ZNF460: variants seen among roughly 807,000 people sequenced by gnomAD.
The protein encoded by ZNF460 is zinc finger protein 272.
ZNF460 carries 1 observed loss-of-function variant against 8.4 expected under a neutral mutation model. The observed-to-expected ratio is 0.12, with a 90% CI of 0.04 to 0.56. The LOEUF (loss-of-function observed/expected upper bound fraction) is 0.56, where lower values mean the gene tolerates loss of function less well. Ranked by LOEUF, ZNF460 falls within the 20% of genes least tolerant of loss-of-function variation. The pLI is 0.91. For missense variants in ZNF460, 477 were observed against 714.8 expected (o/e 0.67, Z 3.79); for synonymous variants, 262 against 259.9 (o/e 1.01, Z -0.08).
intron 1 of ZNF460, among the ~76,000 whole-genome samples, chr19:57,284,196 ATTTATTTATTTATTTATTTATTT>A (rs1297593250): frequency 9.2e-5 from 2 of 21,724 alleles, no homozygotes; most frequent in Admixed American, 4.9e-4. Context: ...AGGAGGCTTT[ATTTATTTATTTATTTATTTATTT>A]TTTATTTATT....
chr19:57,289,753 A>C (rs2087903307), intron 2 of ZNF460, among the ~76,000 whole-genome samples: 1 of 152,120 alleles, frequency 6.6e-6, no homozygotes, highest in Non-Finnish European at 1.5e-5. Context: ...CTGTAATCCC[A>C]GCACTTTGGA....
chr19:57,292,227 G>T lies in ZNF460; in HGVS notation c.1686G>T (p.Leu562Phe), dbSNP rs774230776. Residue 562 changes from leucine (L) to phenylalanine (F), a missense_variant, in exon 3 of 3, where the codon TTG (leucine) becomes TTT (phenylalanine). Physicochemically the swap from Leu to Phe is conservative, Grantham distance 22 (BLOSUM62 0). Coordinates refer to ENST00000360338, the MANE Select transcript of ZNF460 (RefSeq NM_006635.4). ...NGFIVEETLPL is the reference protein window; with the variant it reads ...NGFIVEETLPF ...TCATAGTGGAAGAAACCCTACCATT[G>T]TAACAGATGTGGAAAGACTTTTTAC... 1 of 1,607,378 alleles carries T rather than the reference G, an allele frequency of 6.2e-7. No homozygotes were observed. Among genetic ancestry groups the T allele is most frequent in the Non-Finnish European group, 8.5e-7 (1 of 1,175,106 alleles).
At position 57,292,433 on chromosome 19, in the gene ZNF460, A is replaced by T. The variant is rs1235590141; in HGVS notation, c.*203A>T. The T allele has an allele frequency of 1.7e-6, 1 of 581,556 alleles. No homozygotes were observed. The highest frequency in any genetic ancestry group is 3.0e-6 in the Non-Finnish European group (1 of 333,848). The allele number at this position is 581,556 out of a possible 1,614,324, so 36.0% of individuals were successfully genotyped here. ...TTAGATCATCATTTGTCATCTAAAC[A>T]ATTATGTTAGAAATTGACACAGCCA... On this transcript the variant is annotated 3_prime_UTR_variant, in exon 3 of 3. Coordinates refer to ENST00000360338, the MANE Select transcript of ZNF460 (RefSeq NM_006635.4).
intron 2 of ZNF460, among the ~76,000 whole-genome samples, chr19:57,286,060 C>G (rs1368048136): frequency 6.6e-6 from 1 of 152,096 alleles, no homozygotes; most frequent in Non-Finnish European, 1.5e-5. Context: ...CCTCAATTTT[C>G]TCATGGGTAA....
At chr19:57,285,734 A>G (rs2087874867) in intron 2 of ZNF460, among the ~76,000 whole-genome samples, 2 of 152,122 alleles carry the variant, frequency 1.3e-5, no homozygotes. Flanking sequence ...TCAGTGGTTC[A>G]TGAAATGTCG....
In ZNF460 at chr19:57,291,364, A is replaced by G; in HGVS notation, c.823A>G (p.Ser275Gly). The G allele has an allele frequency of 1.2e-6, 2 of 1,614,106 alleles. No homozygotes were observed. Among genetic ancestry groups the G allele is most frequent in the Non-Finnish European group, 1.7e-6 (2 of 1,180,000 alleles). ...CCTTACACGGCACCAGCGGGTTCAC[A>G]GTGGAGAGAAGCCTTTTGTGTGCAA... ...SHLTRHQRVH[S>G]GEKPFVCNEC... The change falls in exon 3 of 3, where the codon AGT becomes GGT. Residue 275 changes from serine (S) to glycine (G), a missense_variant. By Grantham distance (56) the Ser-to-Gly change is moderately conservative. This residue lies in a region of ZNF460 where 193 missense variants were observed against 391.7 expected (regional missense o/e 0.49). Transcript: ENST00000360338. This position sits in a 1 kb window ranked among gnomAD's most constrained non-coding sequence, Gnocchi z 8.4.
chr19:57,287,437 C>T (rs576834722), intron 2 of ZNF460, among the ~76,000 whole-genome samples: 48 of 152,212 alleles, frequency 3.2e-4, no homozygotes, highest in African/African-American at 1.1e-3. Context: ...AGAATATACT[C>T]GTGTGTACAT....
Position 57,291,604 on chromosome 19 carries a change from G to A in ZNF460, c.1063G>A (p.Glu355Lys). ...FNCRSHLKQHERIHTGEKPFV... is the reference protein window; with the variant it reads ...FNCRSHLKQHKRIHTGEKPFV... ...CTGCAGGTCACACCTCAAGCAGCAT[G>A]AGCGGATTCACACTGGTGAGAAGCC... Residue 355 changes from glutamate (E) to lysine (K), a missense_variant, in exon 3 of 3, where the codon GAG becomes AAG. Glu to Lys is a moderately conservative substitution (Grantham distance 56). This residue lies in a region of ZNF460 where 193 missense variants were observed against 391.7 expected (regional missense o/e 0.49). Coordinates refer to ENST00000360338, the MANE Select transcript of ZNF460 (RefSeq NM_006635.4). This position sits in a 1 kb window ranked among gnomAD's most constrained non-coding sequence, Gnocchi z 8.4. The A allele has an allele frequency of 6.2e-7, 1 of 1,611,914 alleles. No homozygotes were observed. Among genetic ancestry groups the A allele is most frequent in the South Asian group, 1.1e-5 (1 of 90,952 alleles).
intron 2 of ZNF460, among the ~76,000 whole-genome samples, chr19:57,289,664 A>G (rs779515383): frequency 5.3e-5 from 8 of 151,858 alleles, no homozygotes; most frequent in African/African-American, 7.3e-5. Flanking sequence ...ATTCCAGACC[A>G]TCTGTACTCT....
rs2122886106 is a variant in ZNF460, at chr19:57,284,668, G to T, written c.148G>T (p.Val50Phe). ...EVMLETCGLL[V>F]ALGDSTKPET... ...GATGCTGGAGACCTGTGGGCTTCTG[G>T]TCGCACTGGGTAAGGCCTGTCCTCT... is the stretch of plus-strand genomic sequence containing the variant. The change falls in exon 2 of 3, where the codon GTC (valine) becomes TTC (phenylalanine). Residue 50 changes from valine to phenylalanine, a missense_variant. Val to Phe is a conservative substitution (Grantham distance 50). This residue lies in a region of ZNF460 where 169 missense variants were observed against 178.6 expected (regional missense o/e 0.95). Transcript: ENST00000360338. 6.2e-7 allele frequency: 1 copy of T among 1,610,600 alleles called. No homozygotes were observed. The highest frequency in any genetic ancestry group is 8.5e-7 in the Non-Finnish European group (1 of 1,178,310).
At position 57,290,944 on chromosome 19, in the gene ZNF460, A is replaced by G. The variant is rs1456181658; in HGVS notation, c.403A>G (p.Ile135Val). 1.9e-6 allele frequency: 3 copies of G among 1,614,094 alleles called. No individual in the cohort carries two copies. Among genetic ancestry groups the G allele is most frequent in the East Asian group, 2.2e-5 (1 of 44,892 alleles). ...CGAAGGTTTGGCGACAGCTGATGGT[A>G]TTTGTTCAATGATGATACAGAACCA... ...EHEGLATADG[I>V]CSMMIQNQVS... Residue 135 changes from isoleucine (I) to valine (V), a missense_variant, in exon 3 of 3, where the codon ATT (isoleucine) becomes GTT (valine). Coordinates refer to ENST00000360338, the MANE Select transcript of ZNF460 (RefSeq NM_006635.4).
intron 1 of ZNF460, among the ~76,000 whole-genome samples, chr19:57,284,001 C>T (rs1232069992): frequency 6.6e-6 from 1 of 152,022 alleles, no homozygotes; most frequent in East Asian, 1.9e-4. Flanking sequence ...CAGCATGAGG[C>T]AGGCACACAG....
Position 57,291,065 on chromosome 19 carries a change from A to T in ZNF460, c.524A>T (p.Glu175Val). Residue 175 changes from glutamate to valine, a missense_variant, in exon 3 of 3, where the codon GAA becomes GTA. Physicochemically the swap from Glu to Val is moderately radical, Grantham distance 121 (BLOSUM62 -2). Transcript: ENST00000360338. The surrounding 1 kb of genome is among the most constrained non-coding windows in gnomAD (Gnocchi z 8.4). ...GGGGAAAATTCCTATAAATTCGAGG[A>T]AATGTTTAATGAGAATTGCTTCCTT... ...HEGENSYKFE[E>V]MFNENCFLVQ... 1 of 1,614,238 alleles carries T rather than the reference A, an allele frequency of 6.2e-7. No homozygotes were observed. The highest frequency in any genetic ancestry group is 8.5e-7 in the Non-Finnish European group (1 of 1,180,044).
In ZNF460 at chr19:57,291,833, G is replaced by A. The variant is rs776549884; in HGVS notation, c.1292G>A (p.Arg431His). 3 of 1,614,028 alleles carry A rather than the reference G, an allele frequency of 1.9e-6. No individual in the cohort carries two copies. The highest frequency in any genetic ancestry group is 1.1e-5 in the South Asian group (1 of 91,084). Residue 431 changes from arginine (R) to histidine (H), a missense_variant, in exon 3 of 3, where the codon CGC becomes CAC. Transcript: ENST00000360338. The surrounding 1 kb of genome is among the most constrained non-coding windows in gnomAD (Gnocchi z 8.4). ...ECLQCGKAFT[R>H]MSGLTRHQWI... Reference sequence around the variant, plus strand: ...TTACAGTGTGGAAAGGCTTTTACCCGCATGTCAGGGCTCACAAGGCACCAG... The same window carrying A: ...TTACAGTGTGGAAAGGCTTTTACCCACATGTCAGGGCTCACAAGGCACCAG...
chr19:57,281,697 C>T (rs1359186841), intron 1 of ZNF460, among the ~76,000 whole-genome samples: 1 of 151,156 alleles, frequency 6.6e-6, no homozygotes, highest in African/African-American at 2.4e-5. Flanking sequence ...TCCTGAGTAG[C>T]TGGGACTACA....
At chr19:57,286,987 A>C in intron 2 of ZNF460, among the ~76,000 whole-genome samples, 1 of 147,846 alleles carries the variant, frequency 6.8e-6, no homozygotes, top group African/African-American at 2.5e-5. Flanking sequence ...AAAAAAGTCC[A>C]CTCACTGAAT....
At chr19:57,287,077 G>A (rs2087884918) in intron 2 of ZNF460, among the ~76,000 whole-genome samples, 1 of 151,666 alleles carries the variant, frequency 6.6e-6, no homozygotes, top group African/African-American at 2.4e-5. Flanking sequence ...AGGGTTTTAT[G>A]CCCTCGATAG....
At chr19:57,283,370 T>A (rs952734011) in intron 1 of ZNF460, among the ~76,000 whole-genome samples, 3 of 151,250 alleles carry the variant, frequency 2.0e-5, no homozygotes, top group African/African-American at 7.3e-5. Context: ...GGGTTTCACC[T>A]TGCTAGCCAG....
chr19:57,280,401 G>T (rs945147956), upstream of ZNF460: 1 of 240,338 alleles, frequency 4.2e-6, no homozygotes, highest in Admixed American at 5.1e-5. Context: ...ACCCAGGACA[G>T]GAGAGTTTTC....
Sources: allele counts gnomAD v4.1 joint callset (sites outside exome capture counted in the v4.1 genomes callset), GRCh38; gene constraint gnomAD v4.1.1; regional missense constraint gnomAD v4.1.1; non-coding constraint Gnocchi (gnomAD v3.1); transcripts MANE v1.5; gene names NCBI Gene and HGNC (gene_info 2026-07-23, HGNC 2026-07-21).